Variants in UNC13D observed in about 807,000 individuals in gnomAD.
UNC13D encodes unc-13 homolog D, also known as protein unc-13 homolog D.
UNC13D carries 115 observed loss-of-function variants against 151.7 expected under a neutral mutation model. The ratio of observed to expected loss-of-function variants is 0.76; its 90% CI spans 0.65 to 0.88. The LOEUF is 0.88. Ranked by LOEUF, UNC13D falls within the 40% of genes least tolerant of loss-of-function variation. The probability of loss-of-function intolerance (pLI) is 0.00; values close to 1 mark genes in which losing one functional copy is unlikely to be tolerated. For synonymous variants in UNC13D, 588 were observed against 612.2 expected (o/e 0.96, Z 0.58); for missense variants, 1,369 against 1,438.7 (o/e 0.95, Z 0.78).
rs769641321 is a variant in UNC13D, at chr17:75,836,155, C to T, written c.1446+45G>A. ...TGGGCAGGGCTGCCAGAGGCAGGCA[C>T]CACCCCCCGTGACCCCCTGCCCTCC... On this transcript the variant is annotated intron_variant, in intron 16 of 31. Transcript: ENST00000207549. The T allele has an allele frequency of 3.7e-6, 6 of 1,611,928 alleles. No homozygotes were observed. In the Admixed American group the frequency reaches 8.3e-5, roughly 22 times the overall value.
chr17:75,835,817 G>A (rs1333600834), intron 18 of UNC13D, 38 bp downstream of exon 18: 1 of 1,614,028 alleles, frequency 6.2e-7, no homozygotes, highest in East Asian at 2.2e-5. Flanking sequence ...CCACAGCTCT[G>A]TTGGAGGGCA....
chr17:75,834,934 C>T lies in UNC13D; in HGVS notation c.1978G>A (p.Val660Ile), dbSNP rs778130033. 7 of 1,613,920 alleles carry T rather than the reference C, an allele frequency of 4.3e-6. No individual in the cohort carries two copies. The highest frequency in any genetic ancestry group is 3.3e-5 in the South Asian group (3 of 91,088). The change falls in exon 21 of 32, where the codon GTC becomes ATC. Residue 660 changes from valine (V) to isoleucine (I), a missense_variant. Around this residue, in one of 3 missense-constraint regions of UNC13D, gnomAD observed 807 missense variants for 795.5 expected, o/e 1.01. Transcript: ENST00000207549. ...PDPEEAFMIT[V>I]KFVEDTCRLA... is the part of the protein sequence containing the mutation. ...AGATGCCGCACCTCCACAAACTTGA[C>T]GGTAATCATGAAGGCCTCCTCTGGG...
At chr17:75,829,340 G>A (rs2062144497) in intron 30 of UNC13D, among the ~76,000 whole-genome samples, 1 of 152,222 alleles carries the variant, frequency 6.6e-6, no homozygotes, top group South Asian at 2.1e-4. Flanking sequence ...CTGTCACCTA[G>A]GCTGGAGTGC....
At position 75,841,010 on chromosome 17, in the gene UNC13D, A is replaced by G; in HGVS notation, c.570-9T>C. The stretch of plus-strand genomic sequence containing the variant: ...TGATGTCCTCAAACTCCCTGTATGG[A>G]GAAAAGGGCGTGGTTGAGGGCCCTG... On this transcript the variant is annotated splice_polypyrimidine_tract_variant and intron_variant, in intron 6 of 31. Transcript: ENST00000207549. 6.2e-7 allele frequency: 1 copy of G among 1,613,724 alleles called. No individual in the cohort carries two copies. Among genetic ancestry groups the G allele is most frequent in the African/African-American group, 1.3e-5 (1 of 74,960 alleles).
Position 75,835,020 on chromosome 17 carries a change from A to T in UNC13D, c.1892T>A (p.Val631Glu), listed in dbSNP as rs767614412. The T allele has an allele frequency of 6.2e-7, 1 of 1,613,902 alleles. No homozygotes were observed. Among genetic ancestry groups the T allele is most frequent in the Non-Finnish European group, 8.5e-7 (1 of 1,180,010 alleles). Residue 631 changes from valine (V) to glutamate (E), a missense_variant, in exon 21 of 32, where the codon GTG becomes GAG. Coordinates refer to ENST00000207549, the MANE Select transcript of UNC13D (RefSeq NM_199242.3). ...CTGGGCAAAGCAGGTGGATAGATCCACCGCTGATGTGCTGTGCTTGGTCAG... is the reference window on the plus strand; with the variant it reads ...CTGGGCAAAGCAGGTGGATAGATCCTCCGCTGATGTGCTGTGCTTGGTCAG... ...GELTKHSTSA[V>E]DLSTCFAQIS...
chr17:75,843,345 G>A (rs1009437982), intron 2 of UNC13D, 79 bp from the exon 3 acceptor site: 2 of 1,584,490 alleles, frequency 1.3e-6, no homozygotes, highest in African/African-American at 2.7e-5. Flanking sequence ...CAGGACAAGG[G>A]CGGCTTGTGC....
Position 75,833,354 on chromosome 17 carries a change from T to C in UNC13D, c.2368-309A>G. 1 of 270,450 alleles carries C rather than the reference T, an allele frequency of 3.7e-6. No individual in the cohort carries two copies. The highest frequency in any genetic ancestry group is 7.3e-6 in the Non-Finnish European group (1 of 136,506). 16.8% of individuals were successfully genotyped at this position (270,450 alleles called of 1,614,324 possible). A position where few individuals can be genotyped will look rare whatever the true frequency, so the allele number is the denominator to read the frequency against. The stretch of plus-strand genomic sequence containing the variant: ...CTAGAACTTCTCATGCCTCCTCCCC[T>C]TGCTTCCCGTAGGTCTTCGCTCAGT... On this transcript the variant is annotated intron_variant, in intron 24 of 31. Coordinates refer to ENST00000207549, the MANE Select transcript of UNC13D (RefSeq NM_199242.3). The surrounding 1 kb of genome is among the most constrained non-coding windows in gnomAD (Gnocchi z 4.0).
In UNC13D at chr17:75,827,465, C is replaced by T. The variant is rs1227408736; in HGVS notation, c.*500G>A. 1 of 1,461,678 alleles carries T rather than the reference C, an allele frequency of 6.8e-7. No homozygotes were observed. The highest frequency in any genetic ancestry group is 9.0e-7 in the Non-Finnish European group (1 of 1,107,544). 90.5% of individuals were successfully genotyped at this position (1,461,678 alleles called of 1,614,324 possible). On this transcript the variant is annotated 3_prime_UTR_variant, in exon 32 of 32. Transcript: ENST00000207549. ...CAGCCCCTGGGGAGAGGACCCAGGC[C>T]CCCTCTAGTAATGGCCACCACCCTC...
rs1269662418 is a variant in UNC13D at position 75,832,968 on chromosome 17, G to A, written c.2445C>T (p.Ser815=). Residue 815 remains serine (S), a splice_region_variant and synonymous_variant, in exon 25 of 32, where the codon AGC becomes AGT. Coordinates refer to ENST00000207549, the MANE Select transcript of UNC13D (RefSeq NM_199242.3). This position sits in a 1 kb window ranked among gnomAD's most constrained non-coding sequence, Gnocchi z 4.3. ...MNTNLVQENF[S]SLLTLLWTHT... The stretch of plus-strand genomic sequence containing the variant: ...CCAGGGCAGGGGCTGCTACAGACCT[G>A]CTGAAGTTCTCCTGCACCAAGTTGG... The A allele has an allele frequency of 6.3e-7, 1 of 1,581,854 alleles. No homozygotes were observed. The highest frequency in any genetic ancestry group is 1.7e-4 in the Middle Eastern group (1 of 6,016).
rs1438377677 is a variant in UNC13D, at chr17:75,840,651, G to A, written c.684-75C>T. The A allele has an allele frequency of 2.7e-5, 43 of 1,610,498 alleles. No homozygotes were observed. The highest frequency in any genetic ancestry group is 4.4e-5 in the South Asian group (4 of 91,000). On this transcript the variant is annotated intron_variant, in intron 8 of 31. Transcript: ENST00000207549. This position sits in a 1 kb window ranked among gnomAD's most constrained non-coding sequence, Gnocchi z 4.6. Reference sequence around the variant, plus strand: ...ATTAGGCTGGAATCCACCCCCGGCCGCAGCCACCTGGACCCCAAAGGAGCC... The same window carrying A: ...ATTAGGCTGGAATCCACCCCCGGCCACAGCCACCTGGACCCCAAAGGAGCC...
intron 12 of UNC13D, 47 bp from the exon 13 acceptor site, chr17:75,836,965 C>G (rs756900074): frequency 1.3e-6 from 2 of 1,505,228 alleles, no homozygotes; most frequent in South Asian, 2.3e-5. Context: ...GAGGAAATTG[C>G]CTTCCCCTGT....
At chr17:75,842,992 G>A (rs1250640440) in intron 4 of UNC13D, 22 bp downstream of exon 4, 6 of 1,612,870 alleles carry the variant, frequency 3.7e-6, no homozygotes, top group South Asian at 1.1e-5. Flanking sequence ...CCTTGCCCAG[G>A]GGGACCCTGG....
chr17:75,840,947 G>A lies in UNC13D; in HGVS notation c.614+10C>T, dbSNP rs766943969. 6.2e-6 allele frequency: 10 copies of A among 1,613,944 alleles called. No homozygotes were observed. Among genetic ancestry groups the A allele is most frequent in the African/African-American group, 4.0e-5 (3 of 74,898 alleles). ...CCTTCCCATCCCTAGGGGCAGGCCA[G>A]GTCACTCACCACATGTCCAGATGAA... On this transcript the variant is annotated intron_variant, in intron 7 of 31. Coordinates refer to ENST00000207549, the MANE Select transcript of UNC13D (RefSeq NM_199242.3). This position sits in a 1 kb window ranked among gnomAD's most constrained non-coding sequence, Gnocchi z 4.6.
chr17:75,844,157 C>T (rs1599416457), intron 1 of UNC13D, 64 bp downstream of exon 1: 1 of 1,584,440 alleles, frequency 6.3e-7, no homozygotes, highest in Admixed American at 1.7e-5. Context: ...GACAGCAGGG[C>T]ACCCGTACCC....
chr17:75,831,452 AC>A, intron 25 of UNC13D, 104 bp from the exon 26 acceptor site: 1 of 1,053,780 alleles, frequency 9.5e-7, no homozygotes, highest in African/African-American at 1.6e-5. Flanking sequence ...ACCCAGCCCC[AC>A]CCCAGCTCCT....
intron 15 of UNC13D, 30 bp from the exon 16 acceptor site, chr17:75,836,286 G>A (rs1486364436): frequency 6.2e-7 from 1 of 1,612,960 alleles, no homozygotes; most frequent in Non-Finnish European, 8.5e-7. Flanking sequence ...GAGCAGGGAG[G>A]GACTGCCAGG....
chr17:75,836,334 C>G lies in UNC13D; in HGVS notation c.1389+5G>C, dbSNP rs755639322. ...TCTCCCCCATCCCCAGCGCGAGTACCATACCTGCAGGGCCTCAGTCACCAG... is the reference window on the plus strand; with the variant it reads ...TCTCCCCCATCCCCAGCGCGAGTACGATACCTGCAGGGCCTCAGTCACCAG... On this transcript the variant is annotated splice_donor_5th_base_variant and intron_variant, in intron 15 of 31. Coordinates refer to ENST00000207549, the MANE Select transcript of UNC13D (RefSeq NM_199242.3). The G allele has an allele frequency of 1.9e-6, 3 of 1,613,906 alleles. No individual in the cohort carries two copies. In the Admixed American group the frequency reaches 5.0e-5, roughly 27 times the overall value.
In UNC13D at chr17:75,840,372, T is replaced by TA. The variant is rs1012985696; in HGVS notation, c.754-44dup. ...CCAGCCCGTGAGCGTCAGAACCTCA[T>TA]AGAGTCGGGGCAGCGGAGGCGACAG... is the stretch of plus-strand genomic sequence containing the variant. On this transcript the variant is annotated intron_variant, in intron 9 of 31. Transcript: ENST00000207549. The surrounding 1 kb of genome is among the most constrained non-coding windows in gnomAD (Gnocchi z 4.6). The TA allele has an allele frequency of 6.2e-7, 1 of 1,609,962 alleles. No individual in the cohort carries two copies. Among genetic ancestry groups the TA allele is most frequent in the African/African-American group, 1.3e-5 (1 of 74,798 alleles).
chr17:75,843,459 T>C, intron 2 of UNC13D, 25 bp downstream of exon 2: 3 of 1,599,130 alleles, frequency 1.9e-6, no homozygotes, highest in Non-Finnish European at 2.6e-6. Flanking sequence ...CCCACCTCTC[T>C]GCACCCCAGC....
Sources: gnomAD v4.1 joint callset for allele counts (sites outside exome capture counted in the v4.1 genomes callset) on GRCh38, gnomAD v4.1.1 for gene constraint, gnomAD v4.1.1 regional missense constraint, Gnocchi (gnomAD v3.1) non-coding constraint, MANE v1.5 for transcripts, NCBI Gene and HGNC (gene_info 2026-07-23, HGNC 2026-07-21) for gene names.